ASIC2: variants seen among roughly 807,000 people sequenced by gnomAD.
ASIC2 encodes acid-sensing ion channel 2.
In ASIC2, 25 loss-of-function variants were observed where a neutral mutation model predicts 57.3. The observed-to-expected ratio is 0.44, with a 90% confidence interval of 0.32 to 0.61. The LOEUF (loss-of-function observed/expected upper bound fraction) is 0.61. Ranked by LOEUF, ASIC2 falls within the 20% of genes least tolerant of loss-of-function variation. The probability of loss-of-function intolerance (pLI) is 0.06; values close to 1 mark genes in which losing one functional copy is unlikely to be tolerated. For missense variants in ASIC2, 641 were observed against 738.1 expected (o/e 0.87, Z 1.52); for synonymous variants, 319 against 307.5 (o/e 1.04, Z -0.39).
intron 1 of ASIC2, among the ~76,000 whole-genome samples, chr17:33,812,269 C>A (rs1387391008): frequency 6.6e-6 from 1 of 152,134 alleles, no homozygotes; most frequent in Non-Finnish European, 1.5e-5. Context: ...AGTCAATGGT[C>A]AGCTTTTAAA....
intron 1 of ASIC2, among the ~76,000 whole-genome samples, chr17:33,687,067 G>T (rs527269442): frequency 6.6e-6 from 1 of 152,200 alleles, no homozygotes; most frequent in Non-Finnish European, 1.5e-5. Flanking sequence ...TCGATGAGTG[G>T]CTTAGCATCT....
At chr17:33,256,699 G>T (rs2142139327) in intron 1 of ASIC2, among the ~76,000 whole-genome samples, 1 of 152,298 alleles carries the variant, frequency 6.6e-6, no homozygotes, top group Non-Finnish European at 1.5e-5. Context: ...AGGCGTGGTG[G>T]CACGTGCCTG....
intron 1 of ASIC2, among the ~76,000 whole-genome samples, chr17:33,890,332 G>T (rs1914931553): frequency 6.6e-6 from 1 of 152,140 alleles, no homozygotes; most frequent in African/African-American, 2.4e-5. Flanking sequence ...AGTGAGACTG[G>T]GGTAAACACC....
rs187575484 is a variant in ASIC2 at position 33,930,955 on chromosome 17, G to T, written c.555+225023C>A. On this transcript the variant is annotated intron_variant, in intron 1 of 9. Coordinates refer to the ASIC2 transcript ENST00000359872. ...TTTATTTTAGACGGAGTCTCTCTCT[G>T]CCGCCCAGGCTGGAGTGCAGTGGCA... is the stretch of plus-strand genomic sequence containing the variant. Among the ~76,000 whole-genome samples the T allele has an allele frequency of 5.3e-5, 8 of 152,264 alleles. No homozygotes were observed. The East Asian group carries it at 1.5e-3, about 29-fold the overall frequency.
At chr17:34,126,699 G>A (rs1457324128) in intron 1 of ASIC2, among the ~76,000 whole-genome samples, 1 of 152,158 alleles carries the variant, frequency 6.6e-6, no homozygotes, top group Non-Finnish European at 1.5e-5. Context: ...TGAACGAAGA[G>A]GCAAGGCAGG....
chr17:34,031,696 C>G (rs1298181357), intron 1 of ASIC2, among the ~76,000 whole-genome samples: 1 of 152,134 alleles, frequency 6.6e-6, no homozygotes, highest in Admixed American at 6.5e-5. Context: ...AACCAAGGCA[C>G]GAGAGCTACG....
At chr17:33,044,781 A>T (rs1567725119) in intron 3 of ASIC2, among the ~76,000 whole-genome samples, 1 of 152,236 alleles carries the variant, frequency 6.6e-6, no homozygotes, top group Non-Finnish European at 1.5e-5. Context: ...ACAGACATGC[A>T]CATAACCAAG....
At chr17:33,333,949 T>C (rs963048) in intron 1 of ASIC2, among the ~76,000 whole-genome samples, 29,692 of 152,212 alleles carry the variant, frequency 0.2, 3,034 homozygotes, top group East Asian at 0.33. Flanking sequence ...GTGAGGAAGA[T>C]GCCTCTTCAG....
In ASIC2 at chr17:34,137,890, TC is replaced by T. The variant is rs1912167920; in HGVS notation, c.555+18087del. 2.6e-5 allele frequency among the ~76,000 whole-genome samples: 4 copies of T among 152,190 alleles called. No homozygotes were observed. The South Asian group carries it at 8.3e-4, about 32-fold the overall frequency. On this transcript the variant is annotated intron_variant, in intron 1 of 9. Coordinates refer to the ASIC2 transcript ENST00000359872. ...CTTCACCCCCCATGACCTAATCATCTCCCACAGGCCCTACCTCCTAATACCA... is the reference window on the plus strand; with the variant it reads ...CTTCACCCCCCATGACCTAATCATCTCCACAGGCCCTACCTCCTAATACCA...
intron 1 of ASIC2, among the ~76,000 whole-genome samples, chr17:33,948,452 G>A (rs1179189166): frequency 6.6e-6 from 1 of 152,150 alleles, no homozygotes; most frequent in African/African-American, 2.4e-5. Context: ...GAGTTGAAAG[G>A]GACCTTAAGG....
intron 1 of ASIC2, among the ~76,000 whole-genome samples, chr17:33,796,683 T>C (rs1205582731): frequency 1.3e-5 from 2 of 152,232 alleles, no homozygotes; most frequent in African/African-American, 4.8e-5. Flanking sequence ...AGAAACGCTC[T>C]TTCCCTTTAG....
chr17:33,720,913 G>A (rs1567697856), intron 1 of ASIC2, among the ~76,000 whole-genome samples: 1 of 152,176 alleles, frequency 6.6e-6, no homozygotes, highest in Non-Finnish European at 1.5e-5. Context: ...CTTTGGTGAG[G>A]CCTTGGACTA....
chr17:33,191,490 A>T (rs1906415123), intron 1 of ASIC2, among the ~76,000 whole-genome samples: 3 of 152,134 alleles, frequency 2.0e-5, no homozygotes, highest in Middle Eastern at 6.8e-3. Flanking sequence ...TTGTATGGTG[A>T]TCATACCTCA....
At chr17:33,856,665 T>C (rs1168020484) in intron 1 of ASIC2, among the ~76,000 whole-genome samples, 2 of 110,682 alleles carry the variant, frequency 1.8e-5, no homozygotes, top group African/African-American at 2.9e-5. Context: ...ACAGAGGGTG[T>C]GCTCTTTGAG....
intron 1 of ASIC2, among the ~76,000 whole-genome samples, chr17:33,174,576 G>T (rs540769986): frequency 6.6e-6 from 1 of 152,270 alleles, no homozygotes; most frequent in South Asian, 2.1e-4. Flanking sequence ...ACATCTTAGT[G>T]GGGGCGCGAT....
chr17:34,119,450 T>C (rs1567828785), intron 1 of ASIC2, among the ~76,000 whole-genome samples: 5 of 152,370 alleles, frequency 3.3e-5, no homozygotes, highest in Middle Eastern at 6.8e-3. Context: ...AAATGCATTA[T>C]GCTCCCAGGT....
intron 1 of ASIC2, among the ~76,000 whole-genome samples, chr17:33,563,212 T>C (rs1916129411): frequency 6.6e-6 from 1 of 152,236 alleles, no homozygotes; most frequent in African/African-American, 2.4e-5. Flanking sequence ...GATACTTCAG[T>C]TAGCACAGGA....
At chr17:33,408,103 T>G (rs968435449) in intron 1 of ASIC2, among the ~76,000 whole-genome samples, 4 of 152,328 alleles carry the variant, frequency 2.6e-5, no homozygotes, top group African/African-American at 7.2e-5. Flanking sequence ...ATGAGTTTCC[T>G]TTCTTGCTCA....
chr17:34,068,668 T>C (rs973391581), intron 1 of ASIC2, among the ~76,000 whole-genome samples: 2 of 152,234 alleles, frequency 1.3e-5, no homozygotes, highest in African/African-American at 4.8e-5. Context: ...TCTGGCATTC[T>C]TCCAATAGTG....
Sources: gnomAD v4.1 joint callset for allele counts (sites outside exome capture counted in the v4.1 genomes callset) on GRCh38, gnomAD v4.1.1 for gene constraint, MANE v1.5 for transcripts, NCBI Gene and HGNC (gene_info 2026-07-23, HGNC 2026-07-21) for gene names.